CWC27: variants seen among roughly 807,000 people sequenced by gnomAD.
The protein encoded by CWC27 is spliceosome-associated protein CWC27 homolog.
CWC27 carries 47 observed loss-of-function variants against 63.6 expected under a neutral mutation model. That is an observed-to-expected ratio of 0.74 (90% confidence interval 0.58 to 0.94). CWC27 has a LOEUF of 0.94. Among genes scored for constraint, CWC27 ranks in the 40% least tolerant of loss-of-function variants. The pLI is 0.00. For missense variants in CWC27, 495 were observed against 554.3 expected (o/e 0.89, Z 1.07); for synonymous variants, 175 against 179.8 (o/e 0.97, Z 0.22).
chr5:64,968,073 C>CA (rs879436838), intron 11 of CWC27, among the ~76,000 whole-genome samples: 6 of 150,988 alleles, frequency 4.0e-5, no homozygotes, highest in Middle Eastern at 3.4e-3. Flanking sequence ...ATTAATAAGA[C>CA]AAAAAAAATT....
chr5:64,889,746 G>C (rs16893228), intron 11 of CWC27, among the ~76,000 whole-genome samples: 51,167 of 152,008 alleles, frequency 0.34, 8,957 homozygotes, highest in East Asian at 0.52. Flanking sequence ...AAAAAATGTG[G>C]TGTTTTACTA....
chr5:64,986,857 C>T (rs1580765976), intron 13 of CWC27, among the ~76,000 whole-genome samples: 1 of 152,094 alleles, frequency 6.6e-6, no homozygotes, highest in South Asian at 2.1e-4. Flanking sequence ...GCCTGTATTT[C>T]CAGATTTGGG....
intron 11 of CWC27, among the ~76,000 whole-genome samples, chr5:64,959,200 C>T (rs764505935): frequency 2.0e-5 from 3 of 152,064 alleles, no homozygotes; most frequent in Non-Finnish European, 4.4e-5. Flanking sequence ...TTTATTTTGG[C>T]AGCTCCATTG....
chr5:64,810,289 T>C (rs1744838236), intron 10 of CWC27, among the ~76,000 whole-genome samples: 1 of 152,216 alleles, frequency 6.6e-6, no homozygotes, highest in South Asian at 2.1e-4. Flanking sequence ...GCTGTTTTGA[T>C]TAAAATAGCT....
chr5:64,912,073 CAAA>C (rs1253684440), intron 11 of CWC27, among the ~76,000 whole-genome samples: 3 of 83,468 alleles, frequency 3.6e-5, no homozygotes, highest in African/African-American at 3.5e-5. Flanking sequence ...GACTCTGTCT[CAAA>C]AAAAAAAAAA....
chr5:64,956,706 C>T (rs1748807801), intron 11 of CWC27, among the ~76,000 whole-genome samples: 1 of 152,112 alleles, frequency 6.6e-6, no homozygotes. Flanking sequence ...ATAGTACCAC[C>T]TACCACCATA....
intron 6 of CWC27, 27 bp from the exon 7 acceptor site, chr5:64,788,919 CTTTTT>C (rs11340181): frequency 2.7e-5 from 34 of 1,240,864 alleles, no homozygotes; most frequent in South Asian, 2.4e-4. Flanking sequence ...CTTTCTCTTT[CTTTTT>C]TTTTTTCTTT....
At chr5:64,996,350 A>G (rs1336584958) in intron 13 of CWC27, among the ~76,000 whole-genome samples, 3 of 152,168 alleles carry the variant, frequency 2.0e-5, no homozygotes, top group African/African-American at 4.8e-5. Flanking sequence ...ACTTTCTGGT[A>G]TTCATTCAGG....
chr5:64,794,321 G>A (rs902969090), intron 7 of CWC27, among the ~76,000 whole-genome samples: 1 of 152,102 alleles, frequency 6.6e-6, no homozygotes, highest in African/African-American at 2.4e-5. Flanking sequence ...ACCAAAGGGT[G>A]CTTTGTTGTC....
In CWC27 at chr5:64,884,862, C is replaced by T. The variant is rs145153724; in HGVS notation, c.939-581C>T. Among the ~76,000 whole-genome samples, 1,286 of 152,012 alleles carry T rather than the reference C, an allele frequency of 8.5e-3. 18 individuals carry two copies. Among genetic ancestry groups the T allele is most frequent in the Middle Eastern group, 0.031 (9 of 294 alleles). On this transcript the variant is annotated intron_variant, in intron 10 of 13. Transcript: ENST00000381070. The stretch of plus-strand genomic sequence containing the variant: ...TTTAACACATGATTATATTAATCAT[C>T]AGACCTCACCCTGGTAGATTTAACT...
intron 10 of CWC27, among the ~76,000 whole-genome samples, chr5:64,866,998 C>T (rs993149322): frequency 4.6e-5 from 7 of 152,058 alleles, no homozygotes; most frequent in African/African-American, 1.4e-4. Flanking sequence ...TATGTATAAA[C>T]ATTTCACACA....
At chr5:64,984,680 CTG>C (rs1373357846) in intron 13 of CWC27, among the ~76,000 whole-genome samples, 3 of 152,142 alleles carry the variant, frequency 2.0e-5, no homozygotes, top group African/African-American at 7.2e-5. Context: ...CAAGAGTTCT[CTG>C]TATAATCTAC....
At chr5:64,774,280 C>T (rs558958570) in intron 1 of CWC27, among the ~76,000 whole-genome samples, 1 of 152,208 alleles carries the variant, frequency 6.6e-6, no homozygotes, top group East Asian at 1.9e-4. Flanking sequence ...CTCGGCCTCC[C>T]AAATAGCATG....
intron 2 of CWC27, among the ~76,000 whole-genome samples, chr5:64,779,356 A>G (rs982383625): frequency 6.6e-6 from 1 of 152,098 alleles, no homozygotes; most frequent in Non-Finnish European, 1.5e-5. Flanking sequence ...CTTTGTTGCT[A>G]TTTGCTTTTT....
At chr5:65,013,358 T>C (rs1269840411) in intron 13 of CWC27, among the ~76,000 whole-genome samples, 1 of 152,322 alleles carries the variant, frequency 6.6e-6, no homozygotes, top group Non-Finnish European at 1.5e-5. Flanking sequence ...TTAGCAAGCC[T>C]TCTAGTACCA....
chr5:64,798,273 T>C (rs1175047923), intron 7 of CWC27, among the ~76,000 whole-genome samples: 7 of 152,190 alleles, frequency 4.6e-5, no homozygotes, highest in Admixed American at 2.0e-4. Flanking sequence ...ATGAGATCAC[T>C]GTGTTTCAAC....
intron 11 of CWC27, among the ~76,000 whole-genome samples, chr5:64,928,896 T>C (rs76794680): frequency 5.8e-4 from 88 of 152,064 alleles, no homozygotes; most frequent in Admixed American, 1.4e-3. Context: ...AAAATTTGAT[T>C]ATGTTATTCC....
intron 9 of CWC27, 89 bp from the exon 10 acceptor site, chr5:64,804,140 C>CA: frequency 2.6e-6 from 3 of 1,168,030 alleles, no homozygotes; most frequent in Non-Finnish European, 3.6e-6. Flanking sequence ...GTTTAGAATG[C>CA]AATAAGGAGA....
At chr5:64,818,080 AT>A (rs1231962849) in intron 10 of CWC27, among the ~76,000 whole-genome samples, 1 of 151,994 alleles carries the variant, frequency 6.6e-6, no homozygotes, top group Non-Finnish European at 1.5e-5. Context: ...CAGTTATCTT[AT>A]TTTAAAAGTC....
Sources: allele counts gnomAD v4.1 joint callset (sites outside exome capture counted in the v4.1 genomes callset), GRCh38; gene constraint gnomAD v4.1.1; transcripts MANE v1.5; gene names NCBI Gene and HGNC (gene_info 2026-07-23, HGNC 2026-07-21).